The following KLHL29 variants were observed in gnomAD, a reference collection of about 807,000 sequenced individuals.
KLHL29 encodes kelch like family member 29.
Under a neutral mutation model 80.4 loss-of-function variants are expected in KLHL29, and 21 were observed. The ratio of observed to expected loss-of-function variants is 0.26; its 90% CI spans 0.19 to 0.38. The LOEUF (loss-of-function observed/expected upper bound fraction) is 0.38, where lower values mean the gene tolerates loss of function less well. Among genes scored for constraint, KLHL29 ranks in the 10% least tolerant of loss-of-function variants. The probability of loss-of-function intolerance (pLI) is 1.00; values close to 1 mark genes in which losing one functional copy is unlikely to be tolerated. For synonymous variants in KLHL29, 511 were observed against 526.8 expected, an observed-to-expected ratio of 0.97 and a Z score of 0.41; for missense variants, 867 against 1,223.9, an observed-to-expected ratio of 0.71 and a Z score of 4.35.
chr2:23,525,740 C>T (rs1026176693), intron 2 of KLHL29, among the ~76,000 whole-genome samples: 29 of 27,646 alleles, frequency 1.0e-3, no homozygotes, highest in East Asian at 1.7e-3. Context: ...CCCCCCCCCA[C>T]CCGAGGCGAG....
chr2:23,488,869 G>T (rs925861805), intron 2 of KLHL29, among the ~76,000 whole-genome samples: 8 of 152,142 alleles, frequency 5.3e-5, no homozygotes, highest in Non-Finnish European at 1.2e-4. Context: ...TCTACCTCTT[G>T]CTTACCCCCA....
intron 3 of KLHL29, among the ~76,000 whole-genome samples, chr2:23,613,250 T>C (rs1040008091): frequency 6.6e-6 from 1 of 152,188 alleles, no homozygotes; most frequent in Non-Finnish European, 1.5e-5. Context: ...ATGTATATGC[T>C]CTAACCAAAA....
intron 3 of KLHL29, among the ~76,000 whole-genome samples, chr2:23,621,935 C>T (rs567757942): frequency 6.6e-6 from 1 of 152,174 alleles, no homozygotes; most frequent in African/African-American, 2.4e-5. Flanking sequence ...AGTATGACAG[C>T]TTGTGTGTAA....
At chr2:23,481,104 A>T (rs1664786093) in intron 2 of KLHL29, among the ~76,000 whole-genome samples, 2 of 152,148 alleles carry the variant, frequency 1.3e-5, no homozygotes, top group Admixed American at 1.3e-4. Context: ...AAATTCTCAT[A>T]CCCAGGCTAC....
chr2:23,622,659 C>T (rs1430880787), intron 3 of KLHL29, among the ~76,000 whole-genome samples: 1 of 152,236 alleles, frequency 6.6e-6, no homozygotes, highest in Non-Finnish European at 1.5e-5. Flanking sequence ...CTTTCCTTCA[C>T]AGCCCAGCCT....
At chr2:23,523,319 T>G (rs1480440981) in intron 2 of KLHL29, among the ~76,000 whole-genome samples, 3 of 152,166 alleles carry the variant, frequency 2.0e-5, no homozygotes, top group African/African-American at 7.2e-5. Context: ...TTATGATCCT[T>G]CCTCTATTCT....
At chr2:23,653,396 C>T (rs918847385) in intron 5 of KLHL29, among the ~76,000 whole-genome samples, 9 of 152,222 alleles carry the variant, frequency 5.9e-5, no homozygotes. Context: ...GGGACAAGCC[C>T]AGCATCTGCA....
At chr2:23,391,655 G>A (rs759502606) in intron 1 of KLHL29, among the ~76,000 whole-genome samples, 1 of 152,110 alleles carries the variant, frequency 6.6e-6, no homozygotes, top group Admixed American at 6.5e-5. Flanking sequence ...GGCTGGTCTC[G>A]AACTCCCAAC....
Position 23,502,340 on chromosome 2 carries a change from C to T in KLHL29, c.-46+26673C>T, listed in dbSNP as rs567745007. 7.2e-5 allele frequency among the ~76,000 whole-genome samples: 11 copies of T among 152,360 alleles called. No individual in the cohort carries two copies. The South Asian group carries it at 2.3e-3, about 32-fold the overall frequency. On this transcript the variant is annotated intron_variant, in intron 2 of 13. Transcript: ENST00000486442. ...ATAATCAGCATCGAACATATTTCTG[C>T]CCCAACAAAGAGAACAGTGTGTTCC...
chr2:23,566,356 G>A (rs775420743), intron 3 of KLHL29, among the ~76,000 whole-genome samples: 3 of 152,234 alleles, frequency 2.0e-5, no homozygotes, highest in Non-Finnish European at 4.4e-5. Flanking sequence ...TCACAGTAGT[G>A]AGGCCCAAAG....
intron 2 of KLHL29, among the ~76,000 whole-genome samples, chr2:23,542,898 G>A (rs1028668413): frequency 6.6e-6 from 1 of 152,196 alleles, no homozygotes; most frequent in Non-Finnish European, 1.5e-5. Flanking sequence ...GTGACCTTGG[G>A]CAAGTCACTC....
chr2:23,421,139 C>T (rs1662789404), intron 1 of KLHL29, among the ~76,000 whole-genome samples: 2 of 152,214 alleles, frequency 1.3e-5, no homozygotes, highest in African/African-American at 2.4e-5. Context: ...CTCCAGCCCA[C>T]CCTGTAATTC....
At chr2:23,612,903 G>A (rs1668904475) in intron 3 of KLHL29, among the ~76,000 whole-genome samples, 1 of 152,056 alleles carries the variant, frequency 6.6e-6, no homozygotes, top group African/African-American at 2.4e-5. Flanking sequence ...AATATCAATT[G>A]TATACAAAGA....
At chr2:23,589,793 A>G (rs1051878692) in intron 3 of KLHL29, among the ~76,000 whole-genome samples, 9 of 152,204 alleles carry the variant, frequency 5.9e-5, no homozygotes, top group African/African-American at 2.2e-4. Flanking sequence ...ACTCAGAACA[A>G]TTCTCTCAGG....
At chr2:23,545,682 C>G (rs756982938) in intron 2 of KLHL29, among the ~76,000 whole-genome samples, 3 of 152,204 alleles carry the variant, frequency 2.0e-5, no homozygotes, top group East Asian at 3.9e-4. Flanking sequence ...GTGATTAGGC[C>G]CCGGCTACAC....
chr2:23,440,636 AAAAC>A (rs370373624), intron 1 of KLHL29, among the ~76,000 whole-genome samples: 7,760 of 151,948 alleles, frequency 0.051, 215 homozygotes, highest in African/African-American at 0.073. Context: ...TTACAAGAAA[AAAAC>A]AAACAACCCC....
chr2:23,508,254 T>G, intron 2 of KLHL29, among the ~76,000 whole-genome samples: 1 of 152,222 alleles, frequency 6.6e-6, no homozygotes, highest in East Asian at 1.9e-4. Flanking sequence ...GGTCAGGACT[T>G]CAGACAGAAC....
intron 1 of KLHL29, among the ~76,000 whole-genome samples, chr2:23,475,137 T>TTAAAGACTTAAATGTTTTC (rs1208811682): frequency 6.6e-6 from 1 of 152,244 alleles, no homozygotes; most frequent in Non-Finnish European, 1.5e-5. Context: ...CAGTATTAGA[T>TTAAAGACTTAAATGTTTTC]TAAAGACTTA....
intron 1 of KLHL29, among the ~76,000 whole-genome samples, chr2:23,473,145 C>T (rs1664543459): frequency 6.6e-6 from 1 of 152,172 alleles, no homozygotes; most frequent in South Asian, 2.1e-4. Context: ...AGGTGAGGGA[C>T]ACCCTGCTCA....
Sources: gnomAD v4.1 joint callset for allele counts (sites outside exome capture counted in the v4.1 genomes callset) on GRCh38, gnomAD v4.1.1 for gene constraint, MANE v1.5 for transcripts, NCBI Gene and HGNC (gene_info 2026-07-23, HGNC 2026-07-21) for gene names.